Variants in PPP3R1 observed in about 807,000 individuals in gnomAD.
The protein encoded by PPP3R1 is calcineurin subunit B type 1.
PPP3R1 carries 5 observed loss-of-function variants against 22.6 expected under a neutral mutation model. The observed-to-expected ratio is 0.22, with a 90% CI of 0.12 to 0.46. The LOEUF is 0.46. PPP3R1 is among the 20% of genes least tolerant of loss of function. The pLI, the probability that PPP3R1 is intolerant of heterozygous loss-of-function variation, is 0.99. For missense variants in PPP3R1, 61 were observed against 203.2 expected, an observed-to-expected ratio of 0.30 and a Z score of 4.25; for synonymous variants, 56 against 65.2, an observed-to-expected ratio of 0.86 and a Z score of 0.68.
chr2:68,252,430 G>A lies in PPP3R1; in HGVS notation c.-303C>T, dbSNP rs1670390071. On this transcript the variant is annotated 5_prime_UTR_variant, in exon 1 of 6. Transcript: ENST00000234310. ...AGAAGAAGAAAGGAGGGGGAGAGGG[G>A]GCGAAGACGGCCGGGAAACTCGGGG... The A allele has an allele frequency of 1.4e-5, 14 of 993,554 alleles. No individual in the cohort carries two copies. Among genetic ancestry groups the A allele is most frequent in the Middle Eastern group, 1.0e-3 (2 of 1,982 alleles). 61.5% of individuals were successfully genotyped at this position (993,554 alleles called of 1,614,324 possible).
intron 1 of PPP3R1, among the ~76,000 whole-genome samples, chr2:68,234,467 A>G (rs898828495): frequency 6.6e-6 from 1 of 152,242 alleles, no homozygotes; most frequent in East Asian, 1.9e-4. Flanking sequence ...ATAAAGCCGC[A>G]GCCATTCTGT....
Position 68,252,348 on chromosome 2 carries a change from T to A in PPP3R1, c.-221A>T. Reference sequence around the variant, plus strand: ...CAGGGTAGGGGGAAATAAATTAAGGTCGAGATTCAGAGCCGGAGAGCGCGG... The same window carrying A: ...CAGGGTAGGGGGAAATAAATTAAGGACGAGATTCAGAGCCGGAGAGCGCGG... On this transcript the variant is annotated 5_prime_UTR_variant, in exon 1 of 6. Transcript: ENST00000234310. The A allele has an allele frequency of 2.0e-6, 2 of 1,006,684 alleles. No homozygotes were observed. Among genetic ancestry groups the A allele is most frequent in the Non-Finnish European group, 2.4e-6 (2 of 846,590 alleles). The allele number at this position is 1,006,684 out of a possible 1,614,324, so 62.4% of individuals were successfully genotyped here.
intron 2 of PPP3R1, among the ~76,000 whole-genome samples, chr2:68,210,703 C>A (rs1669461394): frequency 6.6e-6 from 1 of 152,182 alleles, no homozygotes; most frequent in South Asian, 2.1e-4. Context: ...AAAAAATGAG[C>A]CTGGGTTGAA....
chr2:68,241,683 A>C (rs1222254469), intron 1 of PPP3R1, among the ~76,000 whole-genome samples: 1 of 152,142 alleles, frequency 6.6e-6, no homozygotes, highest in Non-Finnish European at 1.5e-5. Context: ...GTCTCTACTA[A>C]AAATACAAAA....
intron 2 of PPP3R1, among the ~76,000 whole-genome samples, chr2:68,192,803 T>C (rs1487852203): frequency 6.6e-6 from 1 of 152,106 alleles, no homozygotes; most frequent in East Asian, 1.9e-4. Context: ...TCCTCGGCAA[T>C]ACTTAGCCTC....
intron 2 of PPP3R1, among the ~76,000 whole-genome samples, chr2:68,198,117 A>AAT (rs527768548): frequency 1.4e-5 from 2 of 141,508 alleles, no homozygotes; most frequent in African/African-American, 5.2e-5. Flanking sequence ...TATATATGTA[A>AAT]ATATATATGT....
At chr2:68,249,080 T>C (rs961348692) in intron 1 of PPP3R1, among the ~76,000 whole-genome samples, 8 of 152,208 alleles carry the variant, frequency 5.3e-5, no homozygotes, top group African/African-American at 2.4e-5. Context: ...CTTAATATCC[T>C]CCTGGCCCAA....
chr2:68,186,327 A>T, intron 5 of PPP3R1, 141 bp downstream of exon 5: 1 of 719,984 alleles, frequency 1.4e-6, no homozygotes, highest in East Asian at 2.7e-5. Context: ...AATGAAGAAC[A>T]CATTTCAAAA....
chr2:68,223,578 G>GA (rs1280137032), intron 1 of PPP3R1, among the ~76,000 whole-genome samples: 16 of 147,864 alleles, frequency 1.1e-4, no homozygotes, highest in African/African-American at 3.0e-4. Context: ...ATTAACAGAG[G>GA]AAAAAAAAAG....
intron 1 of PPP3R1, among the ~76,000 whole-genome samples, chr2:68,242,442 A>G (rs1670154779): frequency 6.6e-6 from 1 of 152,132 alleles, no homozygotes; most frequent in African/African-American, 2.4e-5. Flanking sequence ...AAAAAAAGAA[A>G]AGAAAAACAA....
chr2:68,224,816 G>T (rs563369638), intron 1 of PPP3R1, among the ~76,000 whole-genome samples: 176 of 152,054 alleles, frequency 1.2e-3, no homozygotes, highest in Non-Finnish European at 2.0e-3. Flanking sequence ...AAAAATCTTT[G>T]CAACAAATGA....
At chr2:68,207,042 T>A (rs1267829765) in intron 2 of PPP3R1, among the ~76,000 whole-genome samples, 1 of 148,056 alleles carries the variant, frequency 6.8e-6, no homozygotes, top group Non-Finnish European at 1.5e-5. Flanking sequence ...AACAATCTTA[T>A]AATATGAAAG....
chr2:68,186,180 AGTGGTT>A (rs1674539964), intron 5 of PPP3R1, among the ~76,000 whole-genome samples: 1 of 152,226 alleles, frequency 6.6e-6, no homozygotes, highest in Non-Finnish European at 1.5e-5. Context: ...AGAGAAGCTA[AGTGGTT>A]GTGGTTGTGC....
chr2:68,187,081 A>AAT lies in PPP3R1; in HGVS notation c.280+173_280+174insAT, dbSNP rs569037062. On this transcript the variant is annotated intron_variant, in intron 4 of 5. Coordinates refer to ENST00000234310, the MANE Select transcript of PPP3R1 (RefSeq NM_000945.4). The stretch of plus-strand genomic sequence containing the variant: ...TAAAAGCAGCAATGACACATTATTC[A>AAT]AATATAGTAGTTGGAAATGTCCTAA... 2.6e-3 allele frequency among the ~76,000 whole-genome samples: 403 copies of AAT among 152,354 alleles called. 1 individual carries two copies. Among genetic ancestry groups the AAT allele is most frequent in the African/African-American group, 9.3e-3 (388 of 41,580 alleles).
At chr2:68,181,276 C>G (rs942960738) in intron 5 of PPP3R1, among the ~76,000 whole-genome samples, 9 of 151,768 alleles carry the variant, frequency 5.9e-5, no homozygotes, top group Non-Finnish European at 7.4e-5. Context: ...GCCTCTAGTC[C>G]CAGCTACTGG....
In PPP3R1 at chr2:68,206,535, C is replaced by T. The variant is rs13420385; in HGVS notation, c.43+10557G>A. Among the ~76,000 whole-genome samples, 477 of 152,246 alleles carry T rather than the reference C, an allele frequency of 3.1e-3. 2 individuals carry two copies. Among genetic ancestry groups the T allele is most frequent in the African/African-American group, 0.011 (458 of 41,536 alleles). Reference sequence around the variant, plus strand: ...AGTTTGGGTAGAATGCTGATGATGTCGGTAACATATAAGGAGACTGAGAGA... The same window carrying T: ...AGTTTGGGTAGAATGCTGATGATGTTGGTAACATATAAGGAGACTGAGAGA... On this transcript the variant is annotated intron_variant, in intron 2 of 5. Coordinates refer to ENST00000234310, the MANE Select transcript of PPP3R1 (RefSeq NM_000945.4).
intron 2 of PPP3R1, among the ~76,000 whole-genome samples, chr2:68,206,262 A>G (rs1038004893): frequency 5.3e-5 from 8 of 152,194 alleles, no homozygotes; most frequent in African/African-American, 1.4e-4. Context: ...GAAACTTAAC[A>G]AAGTAAGATC....
At chr2:68,208,451 G>A (rs1268987617) in intron 2 of PPP3R1, among the ~76,000 whole-genome samples, 1 of 152,136 alleles carries the variant, frequency 6.6e-6, no homozygotes, top group Non-Finnish European at 1.5e-5. Context: ...AATGGGCATG[G>A]CTATGTTCCA....
At chr2:68,202,903 C>T (rs569982052) in intron 2 of PPP3R1, among the ~76,000 whole-genome samples, 13 of 141,596 alleles carry the variant, frequency 9.2e-5, no homozygotes, top group Non-Finnish European at 2.0e-4. Flanking sequence ...CCCAGGTTCA[C>T]GCCATTCTCC....
Sources: allele counts gnomAD v4.1 joint callset (sites outside exome capture counted in the v4.1 genomes callset), GRCh38; gene constraint gnomAD v4.1.1; transcripts MANE v1.5; gene names NCBI Gene and HGNC (gene_info 2026-07-23, HGNC 2026-07-21).